The following DNAH17 variants were observed in gnomAD, a reference collection of about 807,000 sequenced individuals.
DNAH17 encodes the protein dynein axonemal heavy chain 17, also known as axonemal beta dynein heavy chain 17.
A neutral mutation model predicts 485.6 loss-of-function variants in DNAH17; 376 were observed. The observed-to-expected ratio is 0.77, with a 90% CI of 0.71 to 0.84. The LOEUF (loss-of-function observed/expected upper bound fraction) is 0.84. DNAH17 is among the 40% of genes least tolerant of loss of function. DNAH17 has a pLI of 0.00. For missense variants in DNAH17, 6,370 were observed against 5,839.3 expected (o/e 1.09, Z -2.96); for synonymous variants, 3,031 against 2,405.9 (o/e 1.26, Z -7.60).
In DNAH17 at chr17:78,528,731, G is replaced by A. The variant is rs924960439; in HGVS notation, c.3507+741C>T. Among the ~76,000 whole-genome samples the A allele has an allele frequency of 3.9e-5, 6 of 151,976 alleles. No homozygotes were observed. In the East Asian group the frequency reaches 5.8e-4, roughly 15 times the overall value. On this transcript the variant is annotated intron_variant, in intron 22 of 80. Coordinates refer to ENST00000389840, the MANE Select transcript of DNAH17 (RefSeq NM_173628.4). ...ACACCCTCTCCATCCTCCCACCCTC[G>A]CCCAGCCTGCACACACCCCTCCACG...
At chr17:78,440,650 C>T (rs988070703) in intron 72 of DNAH17, among the ~76,000 whole-genome samples, 1 of 152,196 alleles carries the variant, frequency 6.6e-6, no homozygotes, top group Non-Finnish European at 1.5e-5. Flanking sequence ...AGTTAATGGA[C>T]ATTTGGGTTG....
intron 11 of DNAH17, among the ~76,000 whole-genome samples, chr17:78,566,408 C>T (rs1398050063): frequency 2.0e-5 from 3 of 152,196 alleles, no homozygotes; most frequent in Non-Finnish European, 4.4e-5. Context: ...TGCTCCTCTT[C>T]CTCTAGGATG....
intron 25 of DNAH17, among the ~76,000 whole-genome samples, chr17:78,523,415 C>T (rs1468139371): frequency 2.6e-5 from 4 of 152,186 alleles, no homozygotes; most frequent in Admixed American, 6.5e-5. Flanking sequence ...TGAGCCACCC[C>T]GCCTGGCCTC....
In DNAH17 at chr17:78,561,752, C is replaced by CTA; in HGVS notation, c.1796_1797dup (p.Glu600Ter). On this transcript the variant is annotated frameshift_variant, in exon 12 of 81. Coordinates refer to ENST00000389840, the MANE Select transcript of DNAH17 (RefSeq NM_173628.4). LOFTEE classifies it high-confidence loss of function. ...TGCTTCAGGTGTTTCATGGACACCT[C>CTA]TAGCCTCTCCTGCAGCTCCAGGCTC... The CTA allele has an allele frequency of 6.2e-7, 1 of 1,611,854 alleles. No homozygotes were observed.
chr17:78,550,627 G>A (rs2091881747), intron 16 of DNAH17, among the ~76,000 whole-genome samples: 1 of 152,172 alleles, frequency 6.6e-6, no homozygotes, highest in East Asian at 1.9e-4. Context: ...TCCTGGGGGA[G>A]CCAACCCTGC....
chr17:78,428,841 C>G, intron 76 of DNAH17, 134 bp from the exon 77 acceptor site: 2 of 1,169,980 alleles, frequency 1.7e-6, no homozygotes, highest in Non-Finnish European at 2.4e-6. Flanking sequence ...GTTTCCCAGC[C>G]CCCTTTGTGG....
At position 78,523,213 on chromosome 17, in the gene DNAH17, T is replaced by C. The variant is rs182725206; in HGVS notation, c.3864+1796A>G. 6.8e-3 allele frequency among the ~76,000 whole-genome samples: 1,031 copies of C among 152,188 alleles called. 14 individuals carry two copies. The highest frequency in any genetic ancestry group is 0.024 in the African/African-American group (985 of 41,510). ...CTCTGTCCCCCAGGCTGGAGTGTGA[T>C]GGCGAGATCTTGGCTCACTGCAACC... On this transcript the variant is annotated intron_variant, in intron 25 of 80. Transcript: ENST00000389840.
At chr17:78,512,784 C>T (rs2090668090) in intron 26 of DNAH17, among the ~76,000 whole-genome samples, 1 of 151,916 alleles carries the variant, frequency 6.6e-6, no homozygotes, top group Non-Finnish European at 1.5e-5. Flanking sequence ...ACTAAAAATA[C>T]AAACAAATCA....
chr17:78,426,338 G>A (rs1429355956), intron 79 of DNAH17, 119 bp downstream of exon 79: 8 of 1,258,468 alleles, frequency 6.4e-6, no homozygotes, highest in Admixed American at 3.1e-5. Context: ...TCTGACAGAG[G>A]ACAGGCCCCC....
chr17:78,550,610 CAG>C (rs767737941), intron 16 of DNAH17, among the ~76,000 whole-genome samples: 198 of 152,272 alleles, frequency 1.3e-3, no homozygotes, highest in Non-Finnish European at 2.1e-3. Context: ...TATAACTAAC[CAG>C]AGAGTCCTGG....
Position 78,530,462 on chromosome 17 carries a change from G to C in DNAH17, c.3165C>G (p.Thr1055=). Residue 1055 remains threonine, a synonymous_variant, in exon 21 of 81, where the codon ACC becomes ACG. Transcript: ENST00000389840. The part of the protein sequence containing the change: ...LYEEVSKCEN[T]KVFHGWLQCD... Reference sequence around the variant, plus strand: ...ACTGCAGCCAGCCGTGGAACACCTTGGTGTTCTCGCACTTGGACACCTCCT... The same window carrying C: ...ACTGCAGCCAGCCGTGGAACACCTTCGTGTTCTCGCACTTGGACACCTCCT... 1 of 1,613,376 alleles carries C rather than the reference G, an allele frequency of 6.2e-7. No homozygotes were observed. The highest frequency in any genetic ancestry group is 8.5e-7 in the Non-Finnish European group (1 of 1,179,580).
chr17:78,425,756 C>CTTTTTTCTTTT (rs2086423116), intron 79 of DNAH17, among the ~76,000 whole-genome samples, 185 bp from the exon 80 acceptor site: 1 of 120,770 alleles, frequency 8.3e-6, no homozygotes, highest in Non-Finnish European at 1.6e-5. Context: ...TTGGTGTCTG[C>CTTTTTTCTTTT]TTTTTTTTTT....
chr17:78,556,145 T>G (rs1196991657), intron 14 of DNAH17, among the ~76,000 whole-genome samples: 2 of 151,902 alleles, frequency 1.3e-5, no homozygotes, highest in African/African-American at 2.4e-5. Flanking sequence ...TCTATAGCTA[T>G]CTATCCATTC....
Position 78,479,538 on chromosome 17 carries a change from G to A in DNAH17, c.7847C>T (p.Ser2616Leu), listed in dbSNP as rs200775409. ...TATCCTCTGGATAGCCATGGAGACCGAGCGGAAGGCCAGGTGCTGCGTCAG... is the reference window on the plus strand; with the variant it reads ...TATCCTCTGGATAGCCATGGAGACCAAGCGGAAGGCCAGGTGCTGCGTCAG... The part of the protein sequence containing the change: ...TILTQHLAFR[S>L]VSMAIQRISS... Residue 2616 changes from serine to leucine, a missense_variant, in exon 50 of 81, where the codon TCG becomes TTG. Ser to Leu is a moderately radical substitution (Grantham distance 145). Coordinates refer to ENST00000389840, the MANE Select transcript of DNAH17 (RefSeq NM_173628.4). The A allele has an allele frequency of 1.6e-4, 255 of 1,613,606 alleles. No individual in the cohort carries two copies. The highest frequency in any genetic ancestry group is 2.0e-4 in the Non-Finnish European group (232 of 1,179,882).
At chr17:78,574,549 A>C (rs2092406241) in intron 2 of DNAH17, among the ~76,000 whole-genome samples, 164 bp downstream of exon 2, 1 of 151,522 alleles carries the variant, frequency 6.6e-6, no homozygotes, top group South Asian at 2.1e-4. Flanking sequence ...GGTCTGTCTC[A>C]GCAGGTCAGG....
At chr17:78,493,983 G>A in intron 41 of DNAH17, 53 bp downstream of exon 41, 3 of 1,573,254 alleles carry the variant, frequency 1.9e-6, no homozygotes, top group Non-Finnish European at 2.6e-6. Flanking sequence ...CTTCGCCCCA[G>A]CCCTCCCCCA....
intron 13 of DNAH17, among the ~76,000 whole-genome samples, chr17:78,558,894 C>T (rs1177061093): frequency 6.6e-6 from 1 of 152,224 alleles, no homozygotes; most frequent in Non-Finnish European, 1.5e-5. Flanking sequence ...CCACTGGTCA[C>T]ATCACGGGCC....
chr17:78,530,889 C>A (rs150054855), intron 20 of DNAH17, among the ~76,000 whole-genome samples: 6 of 152,218 alleles, frequency 3.9e-5, no homozygotes, highest in African/African-American at 1.2e-4. Context: ...CTGCCCCAAC[C>A]CTGTGCTACA....
Position 78,529,562 on chromosome 17 carries a change from G to C in DNAH17, c.3417C>G (p.Thr1139=), listed in dbSNP as rs148671638. ...GCTTCAGGGGCTCAAACATGTTGTC[G>C]GTGGCTGCTTGCCTCTCCTTGACTT... The part of the protein sequence containing the change: ...LMKVKERQAA[T]DNMFEPLKQT... Residue 1139 remains threonine, a synonymous_variant, in exon 22 of 81, where the codon ACC becomes ACG. Coordinates refer to ENST00000389840, the MANE Select transcript of DNAH17 (RefSeq NM_173628.4). 2 of 1,613,922 alleles carry C rather than the reference G, an allele frequency of 1.2e-6. No homozygotes were observed. Among genetic ancestry groups the C allele is most frequent in the Non-Finnish European group, 1.7e-6 (2 of 1,179,872 alleles).
Sources: allele counts gnomAD v4.1 joint callset (sites outside exome capture counted in the v4.1 genomes callset), GRCh38; gene constraint gnomAD v4.1.1; transcripts MANE v1.5; gene names NCBI Gene and HGNC (gene_info 2026-07-23, HGNC 2026-07-21).